MAGI3: variants seen among roughly 807,000 people sequenced by gnomAD.
MAGI3 encodes membrane-associated guanylate kinase, WW and PDZ domain-containing protein 3.
In MAGI3, 43 loss-of-function variants were observed where a neutral mutation model predicts 121.8. The ratio of observed to expected loss-of-function variants is 0.35; its 90% CI spans 0.28 to 0.46. MAGI3 has a LOEUF of 0.46. Among genes scored for constraint, MAGI3 ranks in the 20% least tolerant of loss-of-function variants. The pLI, the probability that MAGI3 is intolerant of heterozygous loss-of-function variation, is 1.00. For synonymous variants in MAGI3, 553 were observed against 639.3 expected (o/e 0.86, Z 2.04); for missense variants, 1,547 against 1,797.3 (o/e 0.86, Z 2.52).
At chr1:113,627,359 A>G (rs145524628) in intron 9 of MAGI3, among the ~76,000 whole-genome samples, 2 of 151,818 alleles carry the variant, frequency 1.3e-5, no homozygotes, top group African/African-American at 2.4e-5. Context: ...CATATGGTCT[A>G]TCCTTGAATG....
chr1:113,566,519 T>C (rs1457540640), intron 2 of MAGI3, among the ~76,000 whole-genome samples: 1 of 152,168 alleles, frequency 6.6e-6, no homozygotes, highest in East Asian at 1.9e-4. Flanking sequence ...TTATCAAGCA[T>C]GCATGGAAGA....
At chr1:113,424,636 A>G (rs1193141094) in intron 1 of MAGI3, among the ~76,000 whole-genome samples, 1 of 152,088 alleles carries the variant, frequency 6.6e-6, no homozygotes, top group Non-Finnish European at 1.5e-5. Flanking sequence ...AATTATACCA[A>G]TTTTTCATTA....
At chr1:113,560,282 A>G (rs1660168779) in intron 2 of MAGI3, among the ~76,000 whole-genome samples, 1 of 152,180 alleles carries the variant, frequency 6.6e-6, no homozygotes, top group South Asian at 2.1e-4. Flanking sequence ...GGGCTGAGGC[A>G]GGAGAATCGC....
At chr1:113,638,141 T>G (rs564114024) in intron 9 of MAGI3, among the ~76,000 whole-genome samples, 1 of 152,338 alleles carries the variant, frequency 6.6e-6, no homozygotes, top group Non-Finnish European at 1.5e-5. Context: ...CTAAATTTTT[T>G]TCAAAGTTTT....
chr1:113,497,129 T>G (rs1276779636), intron 1 of MAGI3, among the ~76,000 whole-genome samples: 2 of 152,146 alleles, frequency 1.3e-5, no homozygotes. Flanking sequence ...TGATGGCGCA[T>G]GCCTGTAAGT....
At chr1:113,417,368 T>G (rs1652509765) in intron 1 of MAGI3, among the ~76,000 whole-genome samples, 1 of 152,070 alleles carries the variant, frequency 6.6e-6, no homozygotes. Context: ...GATTTTGGAG[T>G]ATAGCCACGT....
At chr1:113,454,738 A>G (rs188449010) in intron 1 of MAGI3, among the ~76,000 whole-genome samples, 23 of 152,196 alleles carry the variant, frequency 1.5e-4, no homozygotes, top group African/African-American at 4.6e-4. Context: ...GAGTGAGAAC[A>G]TGCGGTATTT....
At chr1:113,669,172 G>A (rs1211851220) in intron 16 of MAGI3, among the ~76,000 whole-genome samples, 5 of 152,166 alleles carry the variant, frequency 3.3e-5, no homozygotes, top group African/African-American at 9.7e-5. Context: ...TACAGCGACC[G>A]AAGACAATCG....
intron 11 of MAGI3, among the ~76,000 whole-genome samples, chr1:113,645,376 G>C (rs1004632996): frequency 6.6e-6 from 1 of 152,180 alleles, no homozygotes; most frequent in African/African-American, 2.4e-5. Flanking sequence ...AGTGTGAACA[G>C]AAATTGTTTT....
At chr1:113,653,790 G>A (rs747271076) in intron 14 of MAGI3, 40 bp from the exon 15 acceptor site, 1 of 1,465,446 alleles carries the variant, frequency 6.8e-7, no homozygotes, top group South Asian at 1.4e-5. Flanking sequence ...CAGAAATTAT[G>A]ATGTTCCAGA....
chr1:113,399,300 T>C (rs962306671), intron 1 of MAGI3, among the ~76,000 whole-genome samples: 3 of 152,078 alleles, frequency 2.0e-5, no homozygotes, highest in African/African-American at 4.8e-5. Flanking sequence ...AGTGCCATGA[T>C]TGGTCAGGCG....
At chr1:113,484,747 A>C (rs1656293604) in intron 1 of MAGI3, among the ~76,000 whole-genome samples, 5 of 57,808 alleles carry the variant, frequency 8.6e-5, no homozygotes, top group African/African-American at 2.6e-4. Flanking sequence ...CTTCCCTTCC[A>C]CAGAGCCTTG....
intron 12 of MAGI3, 100 bp downstream of exon 12, chr1:113,646,742 T>C (rs1161379426): frequency 1.1e-6 from 1 of 930,728 alleles, no homozygotes; most frequent in African/African-American, 1.7e-5. Flanking sequence ...TATTGAAAAG[T>C]TATTCCTTCA....
rs1557793698 is a variant in MAGI3 at position 113,508,827 on chromosome 1, T to A, written c.317-40688T>A. On this transcript the variant is annotated intron_variant, in intron 1 of 20. Transcript: ENST00000307546. ...GCTCTCTGCTGAGAAATTGATTGAT[T>A]TTTTTAAAAAAAAAACTTCAGGAGC... Among the ~76,000 whole-genome samples, 3 of 152,238 alleles carry A rather than the reference T, an allele frequency of 2.0e-5. No individual in the cohort carries two copies. In the East Asian group the frequency reaches 5.8e-4, roughly 29 times the overall value.
rs1652705893 is a variant in MAGI3, at chr1:113,644,215, C to G, written c.1998+441C>G. ...TTTGTGGGGACTATAAATATGCATG[C>G]ACCTTTAGATAATCTTCTTACTTTT... On this transcript the variant is annotated intron_variant, in intron 11 of 20. Coordinates refer to ENST00000307546, the MANE Select transcript of MAGI3 (RefSeq NM_001142782.2). 3.3e-5 allele frequency among the ~76,000 whole-genome samples: 5 copies of G among 152,134 alleles called. No individual in the cohort carries two copies. In the South Asian group the frequency reaches 1.0e-3, roughly 31 times the overall value.
intron 5 of MAGI3, among the ~76,000 whole-genome samples, chr1:113,592,944 G>A (rs1343210254): frequency 1.3e-5 from 2 of 152,100 alleles, no homozygotes; most frequent in Non-Finnish European, 2.9e-5. Context: ...CCTGAGAGGT[G>A]GAGCTTGCAG....
intron 19 of MAGI3, among the ~76,000 whole-genome samples, chr1:113,677,146 A>T (rs1226857600): frequency 6.6e-6 from 1 of 152,194 alleles, no homozygotes; most frequent in African/African-American, 2.4e-5. Flanking sequence ...AGGAGAGAGA[A>T]AAAAAGTGTT....
At chr1:113,662,029 T>G (rs1156336210) in intron 16 of MAGI3, among the ~76,000 whole-genome samples, 1 of 152,168 alleles carries the variant, frequency 6.6e-6, no homozygotes, top group Non-Finnish European at 1.5e-5. Flanking sequence ...CATTAATGAG[T>G]CAAATGAATA....
chr1:113,536,790 T>A (rs1659029085), intron 1 of MAGI3, among the ~76,000 whole-genome samples: 1 of 152,172 alleles, frequency 6.6e-6, no homozygotes, highest in African/African-American at 2.4e-5. Flanking sequence ...ATAAGATGAT[T>A]TCCTCTTCTA....
Sources: allele counts gnomAD v4.1 joint callset (sites outside exome capture counted in the v4.1 genomes callset), GRCh38; gene constraint gnomAD v4.1.1; transcripts MANE v1.5; gene names NCBI Gene and HGNC (gene_info 2026-07-23, HGNC 2026-07-21).